Variants in RFTN1 observed in about 807,000 individuals in gnomAD.
RFTN1 encodes the protein raftlin.
A neutral mutation model predicts 46.5 loss-of-function variants in RFTN1; 26 were observed. That is an observed-to-expected ratio of 0.56 (90% CI 0.41 to 0.78). The LOEUF is 0.78. Among genes scored for constraint, RFTN1 ranks in the 30% least tolerant of loss-of-function variants. The pLI is 0.00. For synonymous variants in RFTN1, 261 were observed against 284.2 expected (o/e 0.92, Z 0.82); for missense variants, 693 against 718.7 (o/e 0.96, Z 0.41).
chr3:16,471,615 T>C (rs2076197714), intron 2 of RFTN1, among the ~76,000 whole-genome samples: 1 of 151,992 alleles, frequency 6.6e-6, no homozygotes, highest in Non-Finnish European at 1.5e-5. Flanking sequence ...AGAACCTGGA[T>C]CTATTTTTCC....
At position 16,489,708 on chromosome 3, in the gene RFTN1, G is replaced by A. The variant is rs1229456798; in HGVS notation, c.145+4017C>T. Among the ~76,000 whole-genome samples the A allele has an allele frequency of 1.3e-5, 2 of 152,066 alleles. No homozygotes were observed. Among genetic ancestry groups the A allele is most frequent in the Non-Finnish European group, 2.9e-5 (2 of 68,004 alleles). On this transcript the variant is annotated intron_variant, in intron 2 of 9. Transcript: ENST00000334133. The surrounding 1 kb of genome is among the most constrained non-coding windows in gnomAD (Gnocchi z 4.0). The stretch of plus-strand genomic sequence containing the variant: ...GGACCACTTGAGGTCAGGAGTTCAA[G>A]ACCAGCCTGGCCAACATTGTGAAAC...
Position 16,400,501 on chromosome 3 carries a change from G to A in RFTN1, c.441+8874C>T, listed in dbSNP as rs1330519266. On this transcript the variant is annotated intron_variant, in intron 4 of 9. Transcript: ENST00000334133. The surrounding 1 kb of genome is among the most constrained non-coding windows in gnomAD (Gnocchi z 4.5). ...CCCTCAGCTAGACTCTAAGTTTCAC[G>A]TGTCCAGGGCATTACCTAGACCGGC... is the stretch of plus-strand genomic sequence containing the variant. Among the ~76,000 whole-genome samples, 2 of 152,156 alleles carry A rather than the reference G, an allele frequency of 1.3e-5. No homozygotes were observed. Among genetic ancestry groups the A allele is most frequent in the Admixed American group, 6.5e-5 (1 of 15,280 alleles).
At chr3:16,511,630 G>T (rs1480142004) in intron 1 of RFTN1, among the ~76,000 whole-genome samples, 1 of 152,042 alleles carries the variant, frequency 6.6e-6, no homozygotes, top group Non-Finnish European at 1.5e-5. Context: ...CAAGCCATGG[G>T]ACCACATAGT....
chr3:16,507,917 C>CA lies in RFTN1; in HGVS notation c.-9+5524dup, dbSNP rs1472165864. On this transcript the variant is annotated intron_variant, in intron 1 of 9. Coordinates refer to ENST00000334133, the MANE Select transcript of RFTN1 (RefSeq NM_015150.2). This position sits in a 1 kb window ranked among gnomAD's most constrained non-coding sequence, Gnocchi z 7.1. ...CCCGTAAAGAATAAATTGTAACCCT[C>CA]AAGGAGGTCTGCCTATGGAACAACA... Among the ~76,000 whole-genome samples, 1 of 152,128 alleles carries CA rather than the reference C, an allele frequency of 6.6e-6. No individual in the cohort carries two copies. Among genetic ancestry groups the CA allele is most frequent in the African/African-American group, 2.4e-5 (1 of 41,424 alleles).
In RFTN1 at chr3:16,500,644, T is replaced by C. The variant is rs1180936092; in HGVS notation, c.-8-6767A>G. 2.6e-5 allele frequency among the ~76,000 whole-genome samples: 4 copies of C among 152,324 alleles called. No individual in the cohort carries two copies. The highest frequency in any genetic ancestry group is 9.6e-5 in the African/African-American group (4 of 41,568). ...CAAATGATCTGGAAACAAAGATCCC[T>C]TGAATGGTGATCTTCTGGAAAAAAT... On this transcript the variant is annotated intron_variant, in intron 1 of 9. Transcript: ENST00000334133. The surrounding 1 kb of genome is among the most constrained non-coding windows in gnomAD (Gnocchi z 5.9).
At chr3:16,471,746 CA>C (rs1427437724) in intron 2 of RFTN1, among the ~76,000 whole-genome samples, 1 of 152,172 alleles carries the variant, frequency 6.6e-6, no homozygotes, top group Non-Finnish European at 1.5e-5. Context: ...ATAGCTCTGT[CA>C]TGGCACAAGT....
chr3:16,456,246 G>C (rs2075902336), intron 2 of RFTN1, among the ~76,000 whole-genome samples: 1 of 152,160 alleles, frequency 6.6e-6, no homozygotes, highest in Admixed American at 6.5e-5. Flanking sequence ...CACTCGACAG[G>C]CTGCCTTATT....
At chr3:16,355,805 C>A (rs1377658401) in intron 7 of RFTN1, among the ~76,000 whole-genome samples, 1 of 152,194 alleles carries the variant, frequency 6.6e-6, no homozygotes, top group Non-Finnish European at 1.5e-5. Context: ...GGCTACTGGT[C>A]CTGCAGTCAC....
chr3:16,354,841 T>A (rs924321366), intron 7 of RFTN1, among the ~76,000 whole-genome samples: 1 of 152,232 alleles, frequency 6.6e-6, no homozygotes, highest in Non-Finnish European at 1.5e-5. Context: ...CTGAACACTT[T>A]GCTTAGTGAT....
intron 2 of RFTN1, among the ~76,000 whole-genome samples, chr3:16,469,507 T>C (rs1040939207): frequency 6.6e-6 from 1 of 151,662 alleles, no homozygotes. Context: ...CAAGAGACAG[T>C]GCAAAGGCAG....
Position 16,428,761 on chromosome 3 carries a change from C to T in RFTN1, c.332+5090G>A, listed in dbSNP as rs1374789887. 6.6e-6 allele frequency among the ~76,000 whole-genome samples: 1 copy of T among 152,190 alleles called. No homozygotes were observed. Among genetic ancestry groups the T allele is most frequent in the Non-Finnish European group, 1.5e-5 (1 of 68,024 alleles). On this transcript the variant is annotated intron_variant, in intron 3 of 9. Coordinates refer to ENST00000334133, the MANE Select transcript of RFTN1 (RefSeq NM_015150.2). The surrounding 1 kb of genome is among the most constrained non-coding windows in gnomAD (Gnocchi z 4.7). ...ATGGCCAGCACCATGCATTTTTGTA[C>T]TGCAGTTACATCTATAACCATAAAA...
chr3:16,471,057 C>G (rs2076186316), intron 2 of RFTN1, among the ~76,000 whole-genome samples: 1 of 152,166 alleles, frequency 6.6e-6, no homozygotes, highest in African/African-American at 2.4e-5. Flanking sequence ...TAGAAGTGGT[C>G]TCCACTTTTT....
chr3:16,358,940 G>A (rs1424257169), intron 6 of RFTN1, among the ~76,000 whole-genome samples: 1 of 148,788 alleles, frequency 6.7e-6, no homozygotes, highest in African/African-American at 2.5e-5. Flanking sequence ...GCTGAGGCAG[G>A]AGAATCGCTT....
intron 4 of RFTN1, among the ~76,000 whole-genome samples, chr3:16,395,967 A>G (rs954929373): frequency 6.6e-6 from 1 of 152,204 alleles, no homozygotes; most frequent in Non-Finnish European, 1.5e-5. Context: ...TATGTTGAAA[A>G]GATACTATTT....
At position 16,317,302 on chromosome 3, in the gene RFTN1, T is replaced by C; in HGVS notation, c.1333-70A>G. 1 of 1,508,624 alleles carries C rather than the reference T, an allele frequency of 6.6e-7. No individual in the cohort carries two copies. The highest frequency in any genetic ancestry group is 9.0e-7 in the Non-Finnish European group (1 of 1,105,822). 93.5% of individuals were successfully genotyped at this position (1,508,624 alleles called of 1,614,324 possible). A position where few individuals can be genotyped will look rare whatever the true frequency, so the allele number is the denominator to read the frequency against. On this transcript the variant is annotated intron_variant, in intron 9 of 9. Transcript: ENST00000334133. The surrounding 1 kb of genome is among the most constrained non-coding windows in gnomAD (Gnocchi z 4.3). The stretch of plus-strand genomic sequence containing the variant: ...CCCAGAGCTTCACCCAAAGCCTTGT[T>C]TGCATTCATACCCACACCATGTCTG...
intron 3 of RFTN1, among the ~76,000 whole-genome samples, chr3:16,412,280 C>A (rs552372878): frequency 1.3e-5 from 2 of 152,290 alleles, no homozygotes; most frequent in African/African-American, 4.8e-5. Flanking sequence ...GATTATTACA[C>A]TGAAGAATGG....
At chr3:16,392,135 A>G (rs1382244984) in intron 4 of RFTN1, among the ~76,000 whole-genome samples, 3 of 151,974 alleles carry the variant, frequency 2.0e-5, no homozygotes, top group Non-Finnish European at 4.4e-5. Context: ...GCTGACTCCA[A>G]TCCTAATGGG....
chr3:16,490,300 G>C (rs1259494477), intron 2 of RFTN1, among the ~76,000 whole-genome samples: 1 of 152,208 alleles, frequency 6.6e-6, no homozygotes, highest in East Asian at 1.9e-4. Context: ...TGGTTGTCAA[G>C]AAGGAACAAA....
intron 3 of RFTN1, among the ~76,000 whole-genome samples, chr3:16,411,314 T>C (rs959414183): frequency 6.6e-6 from 1 of 152,372 alleles, no homozygotes. Context: ...AAGCAATTTC[T>C]GCTACCATTA....
Sources: allele counts gnomAD v4.1 joint callset (sites outside exome capture counted in the v4.1 genomes callset), GRCh38; gene constraint gnomAD v4.1.1; non-coding constraint Gnocchi (gnomAD v3.1); transcripts MANE v1.5; gene names NCBI Gene and HGNC (gene_info 2026-07-23, HGNC 2026-07-21).